The following ST6GALNAC3 variants were observed in gnomAD, a reference collection of about 807,000 sequenced individuals.
ST6GALNAC3 encodes ST6 N-acetylgalactosaminide alpha-2,6-sialyltransferase 3, also known as alpha-N-acetylgalactosaminide alpha-2,6-sialyltransferase 3.
In ST6GALNAC3, 25 loss-of-function variants were observed where a neutral mutation model predicts 32.7. That is an observed-to-expected ratio of 0.76 (90% CI 0.56 to 1.07). The LOEUF (loss-of-function observed/expected upper bound fraction) is 1.07, where lower values mean the gene tolerates loss of function less well. Ranked by LOEUF, ST6GALNAC3 falls within the 50% of genes least tolerant of loss-of-function variation. ST6GALNAC3 has a pLI of 0.00. For missense variants in ST6GALNAC3, 355 were observed against 382.4 expected (o/e 0.93, Z 0.60); for synonymous variants, 129 against 133.1 (o/e 0.97, Z 0.21).
At chr1:76,526,702 A>T (rs1662931566) in intron 3 of ST6GALNAC3, among the ~76,000 whole-genome samples, 1 of 152,070 alleles carries the variant, frequency 6.6e-6, no homozygotes. Flanking sequence ...TTCTAACCCA[A>T]ACATAAAATT....
intron 1 of ST6GALNAC3, among the ~76,000 whole-genome samples, chr1:76,142,361 A>G (rs1650382879): frequency 6.6e-6 from 1 of 152,264 alleles, no homozygotes. Context: ...TCTCTGCTCC[A>G]CTGTGTCTTC....
intron 1 of ST6GALNAC3, among the ~76,000 whole-genome samples, chr1:76,138,157 T>C (rs1650065601): frequency 6.6e-6 from 1 of 152,210 alleles, no homozygotes; most frequent in South Asian, 2.1e-4. Context: ...TTCTGAAGTC[T>C]CTGAATGTCA....
Position 76,477,886 on chromosome 1 carries a change from C to T in ST6GALNAC3, c.623+65469C>T, listed in dbSNP as rs77538741. ...CATAACTTGCTCTGAAGAGGTGCCT[C>T]CAAGGATCTTACTCTTTCATGGGCT... On this transcript the variant is annotated intron_variant, in intron 3 of 4. Transcript: ENST00000328299. 3.0e-3 allele frequency among the ~76,000 whole-genome samples: 452 copies of T among 152,290 alleles called. 2 individuals carry two copies. Among genetic ancestry groups the T allele is most frequent in the Non-Finnish European group, 5.2e-3 (352 of 68,016 alleles).
Position 76,523,752 on chromosome 1 carries a change from C to T in ST6GALNAC3, c.624-103700C>T, listed in dbSNP as rs560176726. Among the ~76,000 whole-genome samples the T allele has an allele frequency of 3.3e-4, 51 of 152,270 alleles. 2 individuals are homozygous for T. The South Asian group carries it at 0.011, about 32-fold the overall frequency. On this transcript the variant is annotated intron_variant, in intron 3 of 4. Coordinates refer to ENST00000328299, the MANE Select transcript of ST6GALNAC3 (RefSeq NM_152996.4). ...TTTGTAGCTTAGCTCTTTAGCTCCA[C>T]CCTGCACACCTTCAATATTTGGCAA...
At chr1:76,454,739 G>C (rs1657649406) in intron 3 of ST6GALNAC3, among the ~76,000 whole-genome samples, 1 of 152,064 alleles carries the variant, frequency 6.6e-6, no homozygotes, top group Admixed American at 6.6e-5. Context: ...CTTGACTTTA[G>C]ATACCCTGAT....
At chr1:76,625,034 A>G (rs1481065823) in intron 3 of ST6GALNAC3, among the ~76,000 whole-genome samples, 8 of 151,958 alleles carry the variant, frequency 5.3e-5, no homozygotes, top group African/African-American at 1.9e-4. Flanking sequence ...TTTTAGACAC[A>G]AGGAAAATAA....
intron 1 of ST6GALNAC3, among the ~76,000 whole-genome samples, chr1:76,149,991 A>G (rs756088293): frequency 6.6e-6 from 1 of 152,208 alleles, no homozygotes; most frequent in Non-Finnish European, 1.5e-5. Context: ...TAGGAGGGAC[A>G]TGGTGGTGGA....
chr1:76,385,263 A>G (rs1304262710), intron 2 of ST6GALNAC3, among the ~76,000 whole-genome samples: 2 of 152,238 alleles, frequency 1.3e-5, no homozygotes, highest in African/African-American at 4.8e-5. Context: ...TTCCTCCAAA[A>G]AACTTACTTT....
intron 2 of ST6GALNAC3, among the ~76,000 whole-genome samples, chr1:76,338,446 A>G (rs1414521251): frequency 6.6e-6 from 1 of 152,178 alleles, no homozygotes; most frequent in African/African-American, 2.4e-5. Flanking sequence ...ATAATTCTAG[A>G]TTCCTGGACA....
intron 1 of ST6GALNAC3, among the ~76,000 whole-genome samples, chr1:76,177,367 G>C (rs1652915916): frequency 6.6e-6 from 1 of 152,140 alleles, no homozygotes; most frequent in African/African-American, 2.4e-5. Flanking sequence ...TTAGGTGATT[G>C]TGCATTCCTG....
chr1:76,344,800 C>G (rs1648358331), intron 2 of ST6GALNAC3, among the ~76,000 whole-genome samples: 1 of 152,108 alleles, frequency 6.6e-6, no homozygotes, highest in Non-Finnish European at 1.5e-5. Flanking sequence ...TTGGGTACTT[C>G]CCTGTCTCTT....
At chr1:76,182,046 C>T (rs762397457) in intron 1 of ST6GALNAC3, among the ~76,000 whole-genome samples, 11 of 152,264 alleles carry the variant, frequency 7.2e-5, no homozygotes, top group Middle Eastern at 6.8e-3. Context: ...TCAGCAAACC[C>T]TACTAATAGA....
chr1:76,241,504 A>G (rs1050551117), intron 1 of ST6GALNAC3, among the ~76,000 whole-genome samples: 3 of 152,176 alleles, frequency 2.0e-5, no homozygotes, highest in African/African-American at 7.2e-5. Flanking sequence ...TTCCCCAGGA[A>G]TGGAATTAAT....
At chr1:76,250,546 C>T (rs2100695295) in intron 1 of ST6GALNAC3, among the ~76,000 whole-genome samples, 1 of 152,278 alleles carries the variant, frequency 6.6e-6, no homozygotes, top group South Asian at 2.1e-4. Flanking sequence ...AGGAGGAAAC[C>T]TGAATTTCAT....
chr1:76,569,617 G>A (rs1257084535), intron 3 of ST6GALNAC3, among the ~76,000 whole-genome samples: 1 of 151,832 alleles, frequency 6.6e-6, no homozygotes. Context: ...AAAATAACAC[G>A]CCCCCAGTAA....
intron 1 of ST6GALNAC3, among the ~76,000 whole-genome samples, chr1:76,094,455 C>T (rs1339600244): frequency 6.6e-6 from 1 of 152,184 alleles, no homozygotes; most frequent in Non-Finnish European, 1.5e-5. Context: ...TATTCTCCAA[C>T]ACTCCTTTGG....
At chr1:76,486,848 C>T (rs1660153393) in intron 3 of ST6GALNAC3, among the ~76,000 whole-genome samples, 1 of 152,142 alleles carries the variant, frequency 6.6e-6, no homozygotes, top group Admixed American at 6.6e-5. Flanking sequence ...TGGCATGTTT[C>T]TGCAGTGGCT....
chr1:76,114,168 A>G (rs1648296857), intron 1 of ST6GALNAC3, among the ~76,000 whole-genome samples: 1 of 151,962 alleles, frequency 6.6e-6, no homozygotes, highest in South Asian at 2.1e-4. Context: ...CTATCCTAAA[A>G]CAGCATGCAT....
chr1:76,078,028 A>G (rs1571092695), intron 1 of ST6GALNAC3, among the ~76,000 whole-genome samples: 1 of 152,340 alleles, frequency 6.6e-6, no homozygotes, highest in East Asian at 1.9e-4. Context: ...GCATGGAAGG[A>G]GAGAGCAATT....
Sources: gnomAD v4.1 joint callset for allele counts (sites outside exome capture counted in the v4.1 genomes callset) on GRCh38, gnomAD v4.1.1 for gene constraint, MANE v1.5 for transcripts, NCBI Gene and HGNC (gene_info 2026-07-23, HGNC 2026-07-21) for gene names.